Variants in SMAD9 observed in about 807,000 individuals in gnomAD.
SMAD9 encodes the protein MAD homolog 9.
In SMAD9, 36 loss-of-function variants were observed where a neutral mutation model predicts 46.1. The ratio of observed to expected loss-of-function variants is 0.78; its 90% CI spans 0.60 to 1.03. The LOEUF is 1.03. SMAD9 is among the 50% of genes least tolerant of loss of function. The pLI, the probability that SMAD9 is intolerant of heterozygous loss-of-function variation, is 0.00. For synonymous variants in SMAD9, 245 were observed against 237.1 expected (o/e 1.03, Z -0.31); for missense variants, 572 against 599.8 (o/e 0.95, Z 0.48).
chr13:36,902,010 CT>C (rs2058580506), intron 1 of SMAD9, among the ~76,000 whole-genome samples: 1 of 152,064 alleles, frequency 6.6e-6, no homozygotes, highest in Non-Finnish European at 1.5e-5. Context: ...TTGATGAAAT[CT>C]TTTTCTTTTG....
chr13:36,868,276 A>C (rs572483345), intron 3 of SMAD9, among the ~76,000 whole-genome samples: 1 of 152,388 alleles, frequency 6.6e-6, no homozygotes, highest in South Asian at 2.1e-4. Context: ...GTACATTTTA[A>C]CATGCCCCAA....
intron 1 of SMAD9, among the ~76,000 whole-genome samples, chr13:36,893,499 T>C (rs2058505215): frequency 6.7e-6 from 1 of 149,818 alleles, no homozygotes; most frequent in South Asian, 2.1e-4. Context: ...TTCATAGCAG[T>C]ATTACTCAAA....
chr13:36,885,691 G>A (rs911257177), intron 1 of SMAD9, among the ~76,000 whole-genome samples: 1 of 151,730 alleles, frequency 6.6e-6, no homozygotes, highest in Non-Finnish European at 1.5e-5. Context: ...AGAGACAGGG[G>A]AGCTCTATCT....
At chr13:36,883,512 A>G (rs949357451) in intron 1 of SMAD9, among the ~76,000 whole-genome samples, 1 of 152,222 alleles carries the variant, frequency 6.6e-6, no homozygotes, top group Non-Finnish European at 1.5e-5. Flanking sequence ...GCACTTTGGG[A>G]GGCTTTGGCA....
chr13:36,892,063 T>G (rs1331825518), intron 1 of SMAD9, among the ~76,000 whole-genome samples: 1 of 152,212 alleles, frequency 6.6e-6, no homozygotes, highest in African/African-American at 2.4e-5. Context: ...CATGTTGAAA[T>G]ATTTTTGTCA....
At position 36,847,992 on chromosome 13, in the gene SMAD9, T is replaced by A. The variant is rs376283321; in HGVS notation, c.*684A>T. 3.3e-5 allele frequency: 5 copies of A among 152,370 alleles called. No individual in the cohort carries two copies. Among genetic ancestry groups the A allele is most frequent in the African/African-American group, 9.6e-5 (4 of 41,574 alleles). The allele number at this position is 152,370 out of a possible 1,614,324, so 9.4% of individuals were successfully genotyped here. A position where few individuals can be genotyped will look rare whatever the true frequency, so the allele number is the denominator to read the frequency against. ...CATTTCATGCTATTTTCATATTTATTTTCCCATATTAGACTCTGTTTTTAC... is the reference window on the plus strand; with the variant it reads ...CATTTCATGCTATTTTCATATTTATATTCCCATATTAGACTCTGTTTTTAC... On this transcript the variant is annotated 3_prime_UTR_variant, in exon 7 of 7. Coordinates refer to ENST00000379826, the MANE Select transcript of SMAD9 (RefSeq NM_001127217.3).
At position 36,895,567 on chromosome 13, in the gene SMAD9, T is replaced by C. The variant is rs147523881; in HGVS notation, c.-186-15692A>G. ...CACCCTCTGTAGAGAACCACTGATA[T>C]AGCATAAATCCTGATTCTGCTCAAT... On this transcript the variant is annotated intron_variant, in intron 1 of 6. Coordinates refer to ENST00000379826, the MANE Select transcript of SMAD9 (RefSeq NM_001127217.3). Among the ~76,000 whole-genome samples the C allele has an allele frequency of 9.8e-5, 15 of 152,316 alleles. No individual in the cohort carries two copies. The East Asian group carries it at 2.7e-3, about 27-fold the overall frequency.
In SMAD9 at chr13:36,889,769, T is replaced by C. The variant is rs200624691; in HGVS notation, c.-186-9894A>G. On this transcript the variant is annotated intron_variant, in intron 1 of 6. Transcript: ENST00000379826. ...ATGATTATCAATTACAAAATGTAGA[T>C]CCTTAGAAATCTATTTTTATTGAAT... 3.9e-5 allele frequency among the ~76,000 whole-genome samples: 6 copies of C among 152,228 alleles called. No homozygotes were observed. In the East Asian group the frequency reaches 1.2e-3, roughly 29 times the overall value.
At chr13:36,875,633 T>A (rs1483726962) in intron 2 of SMAD9, among the ~76,000 whole-genome samples, 1 of 152,204 alleles carries the variant, frequency 6.6e-6, no homozygotes, top group Non-Finnish European at 1.5e-5. Context: ...AGCGAATGTG[T>A]ATGGCTTCTT....
At chr13:36,871,503 G>A (rs984300423) in intron 3 of SMAD9, among the ~76,000 whole-genome samples, 2 of 151,948 alleles carry the variant, frequency 1.3e-5, no homozygotes, top group African/African-American at 4.8e-5. Context: ...GGGTGACAGA[G>A]CAAGACTCCG....
intron 2 of SMAD9, among the ~76,000 whole-genome samples, chr13:36,877,371 A>G (rs2058355270): frequency 6.6e-6 from 1 of 152,210 alleles, no homozygotes; most frequent in Non-Finnish European, 1.5e-5. Context: ...AAAAGACATG[A>G]AAAACTAAAA....
chr13:36,879,887 G>A lies in SMAD9; in HGVS notation c.-186-12C>T, dbSNP rs1233848002. The A allele has an allele frequency of 6.6e-6, 4 of 603,306 alleles. No individual in the cohort carries two copies. Among genetic ancestry groups the A allele is most frequent in the East Asian group, 2.8e-5 (1 of 36,002 alleles). The allele number at this position is 603,306 out of a possible 1,614,324, so 37.4% of individuals were successfully genotyped here. A position where few individuals can be genotyped will look rare whatever the true frequency, so the allele number is the denominator to read the frequency against. On this transcript the variant is annotated splice_polypyrimidine_tract_variant and intron_variant, in intron 1 of 6. Coordinates refer to ENST00000379826, the MANE Select transcript of SMAD9 (RefSeq NM_001127217.3). ...CAGGGTGGCCAACTCTGGAAAACAC[G>A]ACAAGACTTCAATTAGCTTAATCGG...
chr13:36,870,836 T>C (rs994398446), intron 3 of SMAD9, among the ~76,000 whole-genome samples: 7 of 152,186 alleles, frequency 4.6e-5, no homozygotes, highest in African/African-American at 1.7e-4. Flanking sequence ...TTGCACTCTG[T>C]GGTCACTATT....
In SMAD9 at chr13:36,846,835, T is replaced by G. The variant is rs1312043156; in HGVS notation, c.*1841A>C. On this transcript the variant is annotated 3_prime_UTR_variant, in exon 7 of 7. Transcript: ENST00000379826. The stretch of plus-strand genomic sequence containing the variant: ...AAGATGATAGATTACATTATTTTGT[T>G]TTGTTTTAAAAGTTCTGAAACATGA... 6.6e-6 allele frequency: 1 copy of G among 152,224 alleles called. No homozygotes were observed. Among genetic ancestry groups the G allele is most frequent in the African/African-American group, 2.4e-5 (1 of 41,458 alleles). The allele number at this position is 152,224 out of a possible 1,614,324, so 9.4% of individuals were successfully genotyped here. A position where few individuals can be genotyped will look rare whatever the true frequency, so the allele number is the denominator to read the frequency against.
intron 1 of SMAD9, among the ~76,000 whole-genome samples, chr13:36,883,082 G>A (rs1593594400): frequency 1.3e-5 from 2 of 152,284 alleles, no homozygotes; most frequent in South Asian, 4.1e-4. Flanking sequence ...TTGTCTCCAG[G>A]TGGTCATCGC....
At chr13:36,882,482 G>T (rs2058412795) in intron 1 of SMAD9, among the ~76,000 whole-genome samples, 1 of 151,998 alleles carries the variant, frequency 6.6e-6, no homozygotes, top group Non-Finnish European at 1.5e-5. Context: ...AAACATCTCG[G>T]GTCTCTGCAG....
chr13:36,886,355 G>A (rs2058444550), intron 1 of SMAD9, among the ~76,000 whole-genome samples: 1 of 152,274 alleles, frequency 6.6e-6, no homozygotes, highest in Admixed American at 6.5e-5. Context: ...GGCCTGAGCT[G>A]TACTGAAATG....
intron 1 of SMAD9, among the ~76,000 whole-genome samples, chr13:36,900,726 C>CACAT (rs778107397): frequency 7.3e-6 from 1 of 136,064 alleles, no homozygotes; most frequent in African/African-American, 2.8e-5. Context: ...CACACACACA[C>CACAT]ATAAATGTAA....
chr13:36,903,183 G>T (rs1404304701), intron 1 of SMAD9, among the ~76,000 whole-genome samples: 2 of 145,572 alleles, frequency 1.4e-5, no homozygotes, highest in African/African-American at 2.5e-5. Context: ...CTGGAGAGCA[G>T]TGACGCCATC....
Sources: gnomAD v4.1 joint callset for allele counts (sites outside exome capture counted in the v4.1 genomes callset) on GRCh38, gnomAD v4.1.1 for gene constraint, MANE v1.5 for transcripts, NCBI Gene and HGNC (gene_info 2026-07-23, HGNC 2026-07-21) for gene names.